Variants in CDH12 observed in about 807,000 individuals in gnomAD.
CDH12 encodes the protein cadherin-12.
Under a neutral mutation model 74.1 loss-of-function variants are expected in CDH12, and 41 were observed. The observed-to-expected ratio is 0.55, with a 90% CI of 0.43 to 0.72. The LOEUF is 0.72. Among genes scored for constraint, CDH12 ranks in the 30% least tolerant of loss-of-function variants. The probability of loss-of-function intolerance (pLI) is 0.00; values close to 1 mark genes in which losing one functional copy is unlikely to be tolerated. For missense variants in CDH12, 945 were observed against 977.2 expected (o/e 0.97, Z 0.44); for synonymous variants, 399 against 355.0 (o/e 1.12, Z -1.39).
At chr5:22,173,685 C>T (rs1271129574) in intron 4 of CDH12, among the ~76,000 whole-genome samples, 3 of 151,706 alleles carry the variant, frequency 2.0e-5, no homozygotes, top group African/African-American at 7.3e-5. Flanking sequence ...TGTGCTGTAG[C>T]TATTCATATA....
At chr5:22,211,570 G>T (rs1490233727) in intron 4 of CDH12, among the ~76,000 whole-genome samples, 1 of 151,592 alleles carries the variant, frequency 6.6e-6, no homozygotes, top group Non-Finnish European at 1.5e-5. Flanking sequence ...AAAAAGTTCA[G>T]GTAATTAAAC....
chr5:22,524,979 G>A (rs548240375), intron 1 of CDH12, among the ~76,000 whole-genome samples: 19 of 92,828 alleles, frequency 2.0e-4, no homozygotes, highest in South Asian at 1.2e-3. Context: ...CCCCACAACC[G>A]TCCCAGTGTG....
chr5:22,439,982 A>T (rs1744560194), intron 2 of CDH12, among the ~76,000 whole-genome samples: 1 of 152,086 alleles, frequency 6.6e-6, no homozygotes, highest in Non-Finnish European at 1.5e-5. Flanking sequence ...GACATCATCA[A>T]AACAATAATT....
Position 21,765,235 on chromosome 5 carries a change from G to T in CDH12, c.1394-136C>A, listed in dbSNP as rs1035320286. On this transcript the variant is annotated intron_variant, in intron 11 of 14. Coordinates refer to ENST00000382254, the MANE Select transcript of CDH12 (RefSeq NM_004061.5). The stretch of plus-strand genomic sequence containing the variant: ...AAAATCCTTCTTATAGGAAATCCTG[G>T]GGGTTCCAACTACAAGATGATAAAG... The T allele has an allele frequency of 7.1e-5, 46 of 644,020 alleles. 1 individual carries two copies. Among genetic ancestry groups the T allele is most frequent in the Non-Finnish European group, 9.8e-5 (41 of 418,168 alleles). 39.9% of individuals were successfully genotyped at this position (644,020 alleles called of 1,614,324 possible). A position where few individuals can be genotyped will look rare whatever the true frequency, so the allele number is the denominator to read the frequency against.
At chr5:21,935,262 T>A (rs1157156451) in intron 6 of CDH12, among the ~76,000 whole-genome samples, 1 of 152,132 alleles carries the variant, frequency 6.6e-6, no homozygotes, top group Non-Finnish European at 1.5e-5. Flanking sequence ...GCTTTCATTT[T>A]CTCTAATTTT....
At chr5:22,823,919 TC>T (rs1312784619) in intron 1 of CDH12, among the ~76,000 whole-genome samples, 1 of 152,170 alleles carries the variant, frequency 6.6e-6, no homozygotes, top group Admixed American at 6.6e-5. Context: ...CTCAGGAAGT[TC>T]TTTATAGCAG....
intron 4 of CDH12, among the ~76,000 whole-genome samples, chr5:22,082,356 T>C (rs774340539): frequency 3.9e-5 from 6 of 152,154 alleles, no homozygotes; most frequent in Non-Finnish European, 7.4e-5. Flanking sequence ...GGGGCCATTA[T>C]TAAGTAACCT....
At chr5:22,498,363 A>C (rs1308085101) in intron 2 of CDH12, among the ~76,000 whole-genome samples, 1 of 152,072 alleles carries the variant, frequency 6.6e-6, no homozygotes, top group Non-Finnish European at 1.5e-5. Context: ...ACATTTAATG[A>C]TTTTTTAATA....
At chr5:22,432,166 T>C (rs187710720) in intron 2 of CDH12, among the ~76,000 whole-genome samples, 3 of 152,230 alleles carry the variant, frequency 2.0e-5, no homozygotes, top group East Asian at 3.9e-4. Context: ...CTGTACTTTT[T>C]ATGATTAGAT....
intron 1 of CDH12, among the ~76,000 whole-genome samples, chr5:22,691,645 G>T (rs1186324851): frequency 6.6e-6 from 1 of 152,058 alleles, no homozygotes; most frequent in South Asian, 2.1e-4. Flanking sequence ...GATCATCTGG[G>T]CCTATAATGC....
chr5:22,418,285 C>A (rs976598654), intron 2 of CDH12, among the ~76,000 whole-genome samples: 1 of 151,996 alleles, frequency 6.6e-6, no homozygotes, highest in Non-Finnish European at 1.5e-5. Flanking sequence ...GTGATTTTTG[C>A]ACATTGATTT....
intron 3 of CDH12, among the ~76,000 whole-genome samples, chr5:22,262,761 G>T (rs1200957965): frequency 6.6e-6 from 1 of 151,296 alleles, no homozygotes; most frequent in Non-Finnish European, 1.5e-5. Flanking sequence ...GTTTCTCCAC[G>T]TCCTCTCCAG....
At chr5:22,727,926 T>C (rs556051069) in intron 1 of CDH12, among the ~76,000 whole-genome samples, 74 of 151,832 alleles carry the variant, frequency 4.9e-4, no homozygotes, top group Non-Finnish European at 9.6e-4. Context: ...TTTCCTTGAA[T>C]TTATTTCACT....
At chr5:21,880,861 C>A (rs1369789007) in intron 6 of CDH12, among the ~76,000 whole-genome samples, 1 of 151,710 alleles carries the variant, frequency 6.6e-6, no homozygotes, top group African/African-American at 2.4e-5. Flanking sequence ...TTATCAATTT[C>A]TTGTTCTGAA....
intron 3 of CDH12, among the ~76,000 whole-genome samples, chr5:22,334,394 T>A (rs1739481119): frequency 6.6e-6 from 1 of 151,940 alleles, no homozygotes; most frequent in South Asian, 2.1e-4. Flanking sequence ...TGTTCATGGA[T>A]TGGAAGAACC....
intron 2 of CDH12, 33 bp from the exon 3 acceptor site, chr5:22,405,384 T>A (rs1742899180): frequency 1.9e-6 from 1 of 514,938 alleles, no homozygotes; most frequent in African/African-American, 2.1e-5. Flanking sequence ...GCTTTAAGAA[T>A]ATGCAAGACT....
At chr5:22,052,978 T>C (rs1580173860) in intron 5 of CDH12, among the ~76,000 whole-genome samples, 1 of 152,084 alleles carries the variant, frequency 6.6e-6, no homozygotes, top group African/African-American at 2.4e-5. Context: ...TTAAAAGAGA[T>C]GCTTAAAGAA....
intron 4 of CDH12, among the ~76,000 whole-genome samples, chr5:22,113,171 A>G (rs1187557489): frequency 6.6e-6 from 1 of 152,166 alleles, no homozygotes; most frequent in East Asian, 1.9e-4. Context: ...TTACGAGACA[A>G]GGAAGAAAAT....
At chr5:22,647,578 C>T (rs1739512161) in intron 1 of CDH12, among the ~76,000 whole-genome samples, 1 of 151,698 alleles carries the variant, frequency 6.6e-6, no homozygotes, top group Non-Finnish European at 1.5e-5. Context: ...AGAGAAAGCA[C>T]TCTGTTTTTT....
Sources: gnomAD v4.1 joint callset for allele counts (sites outside exome capture counted in the v4.1 genomes callset) on GRCh38, gnomAD v4.1.1 for gene constraint, MANE v1.5 for transcripts, NCBI Gene and HGNC (gene_info 2026-07-23, HGNC 2026-07-21) for gene names.